Variants in ATP1A3 observed in about 807,000 individuals in gnomAD.
ATP1A3 encodes sodium/potassium-transporting ATPase subunit alpha-3.
Under a neutral mutation model 108.8 loss-of-function variants are expected in ATP1A3, and 12 were observed. That is an observed-to-expected ratio of 0.11 (90% CI 0.07 to 0.18). The LOEUF (loss-of-function observed/expected upper bound fraction) is 0.18. ATP1A3 is among the 10% of genes least tolerant of loss of function. The probability of loss-of-function intolerance (pLI) is 1.00; values close to 1 mark genes in which losing one functional copy is unlikely to be tolerated. For missense variants in ATP1A3, 498 were observed against 1,387.7 expected (o/e 0.36, Z 10.19); for synonymous variants, 539 against 564.5 (o/e 0.95, Z 0.64).
chr19:41,987,497 C>G (rs2075298094), intron 4 of ATP1A3, among the ~76,000 whole-genome samples: 1 of 152,150 alleles, frequency 6.6e-6, no homozygotes, highest in Non-Finnish European at 1.5e-5. Flanking sequence ...GTGAGCAGCT[C>G]TGTGTGGCTG....
chr19:41,993,397 G>A (rs1555868035), intron 1 of ATP1A3: 2 of 1,535,408 alleles, frequency 1.3e-6, no homozygotes, highest in Admixed American at 3.9e-5. Context: ...CCCCACCGTG[G>A]CTCTCCTGTT....
chr19:41,979,901 T>A (rs1555862749), intron 11 of ATP1A3, among the ~76,000 whole-genome samples: 1 of 152,266 alleles, frequency 6.6e-6, no homozygotes, highest in Non-Finnish European at 1.5e-5. Context: ...CTCCTGTCTC[T>A]CTTTGGCTGA....
chr19:41,973,677 A>G (rs2075136478), intron 16 of ATP1A3, among the ~76,000 whole-genome samples: 1 of 152,214 alleles, frequency 6.6e-6, no homozygotes, highest in South Asian at 2.1e-4. Flanking sequence ...CATATATCAC[A>G]ATTTGTAATT....
intron 16 of ATP1A3, among the ~76,000 whole-genome samples, chr19:41,975,317 C>T (rs2145958801): frequency 6.6e-6 from 1 of 152,330 alleles, no homozygotes; most frequent in East Asian, 1.9e-4. Context: ...TTCCAAAGTG[C>T]TGGGATTACA....
chr19:41,991,576 G>T (rs1328249584), intron 1 of ATP1A3, among the ~76,000 whole-genome samples: 2 of 152,194 alleles, frequency 1.3e-5, no homozygotes, highest in African/African-American at 4.8e-5. Context: ...GTCCTGTGCA[G>T]GAGGCCAGGA....
Position 41,978,351 on chromosome 19 carries a change from G to A in ATP1A3, c.1631-25C>T. 1 of 1,579,182 alleles carries A rather than the reference G, an allele frequency of 6.3e-7. No homozygotes were observed. The highest frequency in any genetic ancestry group is 8.6e-7 in the Non-Finnish European group (1 of 1,162,826). On this transcript the variant is annotated intron_variant, in intron 12 of 22. Transcript: ENST00000648268. This position sits in a 1 kb window ranked among gnomAD's most constrained non-coding sequence, Gnocchi z 8.3. ...CCTAGTGGCAGGGAAGGGTTGGGGT[G>A]TGAGGGTCCCAGCCTCGGAACCTCC...
chr19:41,971,455 T>C (rs528725566), intron 16 of ATP1A3, among the ~76,000 whole-genome samples: 2 of 152,228 alleles, frequency 1.3e-5, no homozygotes, highest in African/African-American at 4.8e-5. Context: ...AGTACGAGAA[T>C]GTTCACCATA....
intron 1 of ATP1A3, among the ~76,000 whole-genome samples, chr19:41,992,701 C>CTGTCTCTTTGTCTCTATGTCCA (rs2075351907): frequency 6.6e-6 from 1 of 151,474 alleles, no homozygotes; most frequent in Admixed American, 6.7e-5. Flanking sequence ...CTGCTTGTCT[C>CTGTCTCTTTGTCTCTATGTCCA]TGTCTCTTTG....
chr19:41,972,559 G>A (rs573957176), intron 16 of ATP1A3, among the ~76,000 whole-genome samples: 11 of 152,144 alleles, frequency 7.2e-5, no homozygotes, highest in Admixed American at 7.2e-4. Flanking sequence ...GAGGTCAGGA[G>A]ATCGAGACTA....
intron 11 of ATP1A3, among the ~76,000 whole-genome samples, chr19:41,980,958 C>T (rs2075224514): frequency 6.6e-6 from 1 of 150,594 alleles, no homozygotes; most frequent in Admixed American, 6.6e-5. Context: ...TGCTCTGCCC[C>T]AAGAGGTCTC....
intron 16 of ATP1A3, among the ~76,000 whole-genome samples, chr19:41,975,094 C>G (rs895923246): frequency 9.2e-5 from 14 of 152,142 alleles, no homozygotes; most frequent in Non-Finnish European, 1.8e-4. Flanking sequence ...CTCTGTCCCC[C>G]AGGCTGGAGT....
At position 41,981,742 on chromosome 19, in the gene ATP1A3, C is replaced by T. The variant is rs1555863482; in HGVS notation, c.1282G>A (p.Asp428Asn). 33 of 1,614,180 alleles carry T rather than the reference C, an allele frequency of 2.0e-5. No homozygotes were observed. Among genetic ancestry groups the T allele is most frequent in the Non-Finnish European group, 2.8e-5 (33 of 1,180,036 alleles). The change falls in exon 10 of 23, where the codon GAC (aspartate) becomes AAC (asparagine). Residue 428 changes from aspartate to asparagine, a missense_variant. Physicochemically the swap from Asp to Asn is conservative, Grantham distance 23. Coordinates refer to ENST00000648268, the MANE Select transcript of ATP1A3 (RefSeq NM_152296.5). The surrounding 1 kb of genome is among the most constrained non-coding windows in gnomAD (Gnocchi z 5.0). The part of the protein sequence containing the change: ...CNRAVFKGGQ[D>N]NIPVLKRDVA... ...CCCACCTTGAGCACAGGGATGTTGT[C>T]CTGACCACCCTTGAAGACAGCGCGA...
Position 41,978,402 on chromosome 19 carries a change from C to G in ATP1A3, c.1631-76G>C. ...GCCCCATGCCCCTAGATGTCTGCAT[C>G]GCCCGCATTCCATCTCCCCATCAGC... On this transcript the variant is annotated intron_variant, in intron 12 of 22. Coordinates refer to ENST00000648268, the MANE Select transcript of ATP1A3 (RefSeq NM_152296.5). This position sits in a 1 kb window ranked among gnomAD's most constrained non-coding sequence, Gnocchi z 8.3. 1 of 1,521,332 alleles carries G rather than the reference C, an allele frequency of 6.6e-7. No homozygotes were observed. The highest frequency in any genetic ancestry group is 8.9e-7 in the Non-Finnish European group (1 of 1,124,932). The allele number at this position is 1,521,332 out of a possible 1,614,324, so 94.2% of individuals were successfully genotyped here.
chr19:41,972,848 A>C (rs1178709771), intron 16 of ATP1A3, among the ~76,000 whole-genome samples: 6 of 133,804 alleles, frequency 4.5e-5, no homozygotes, highest in Non-Finnish European at 9.4e-5. Flanking sequence ...GAAGGAAGGA[A>C]GGAAGGAAGG....
At chr19:41,974,900 C>G in intron 16 of ATP1A3, among the ~76,000 whole-genome samples, 1 of 152,216 alleles carries the variant, frequency 6.6e-6, no homozygotes, top group East Asian at 1.9e-4. Context: ...CTGCCTGCGA[C>G]TCCCTGGCAC....
chr19:41,993,369 C>T lies in ATP1A3; in HGVS notation c.6+702G>A. 3 of 1,532,266 alleles carry T rather than the reference C, an allele frequency of 2.0e-6. No homozygotes were observed. The Middle Eastern group carries it at 5.0e-4, about 256-fold the overall frequency. The allele number at this position is 1,532,266 out of a possible 1,614,324, so 94.9% of individuals were successfully genotyped here. On this transcript the variant is annotated intron_variant, in intron 1 of 22. Coordinates refer to ENST00000648268, the MANE Select transcript of ATP1A3 (RefSeq NM_152296.5). ...CTACACAGTTGCACACGCACACCCTCAGCTGTGCACTCAGTCTCCCCACCG... is the reference window on the plus strand; with the variant it reads ...CTACACAGTTGCACACGCACACCCTTAGCTGTGCACTCAGTCTCCCCACCG...
intron 16 of ATP1A3, among the ~76,000 whole-genome samples, chr19:41,973,103 TCAG>T (rs1299756650): frequency 6.6e-6 from 1 of 152,198 alleles, no homozygotes; most frequent in Admixed American, 6.5e-5. Context: ...CAAATGTGCA[TCAG>T]CATAATCCAG....
rs551838277 is a variant in ATP1A3 at position 41,967,679 on chromosome 19, C to T, written c.2904G>A (p.Leu968=). The T allele has an allele frequency of 6.2e-7, 1 of 1,614,058 alleles. No homozygotes were observed. Among genetic ancestry groups the T allele is most frequent in the South Asian group, 1.1e-5 (1 of 91,078 alleles). ...LSYCPGMDVA[L]RMYPLKPSWW... ...GCACTCACTTGAGAGGGTACATGCG[C>T]AGGGCCACGTCCATGCCGGGGCAGT... Residue 968 remains leucine (L), a synonymous_variant, in exon 21 of 23, where the codon CTG becomes CTA. Coordinates refer to ENST00000648268, the MANE Select transcript of ATP1A3 (RefSeq NM_152296.5). The surrounding 1 kb of genome is among the most constrained non-coding windows in gnomAD (Gnocchi z 4.2).
chr19:41,972,377 G>A (rs1281601435), intron 16 of ATP1A3, among the ~76,000 whole-genome samples: 1 of 152,054 alleles, frequency 6.6e-6, no homozygotes, highest in African/African-American at 2.4e-5. Context: ...ACTGATGATT[G>A]CAGCACTGCG....
Sources: allele counts gnomAD v4.1 joint callset (sites outside exome capture counted in the v4.1 genomes callset), GRCh38; gene constraint gnomAD v4.1.1; non-coding constraint Gnocchi (gnomAD v3.1); transcripts MANE v1.5; gene names NCBI Gene and HGNC (gene_info 2026-07-23, HGNC 2026-07-21).